FBXO28: variants seen among roughly 807,000 people sequenced by gnomAD.
FBXO28 encodes F-box protein 28, also known as F-box only protein 28.
In FBXO28, 8 loss-of-function variants were observed where a neutral mutation model predicts 38.1. The ratio of observed to expected loss-of-function variants is 0.21; its 90% confidence interval spans 0.12 to 0.38. FBXO28 has a LOEUF of 0.38. Ranked by LOEUF, FBXO28 falls within the 10% of genes least tolerant of loss-of-function variation. FBXO28 has a pLI of 1.00. For synonymous variants in FBXO28, 168 were observed against 173.8 expected, an observed-to-expected ratio of 0.97 and a Z score of 0.26; for missense variants, 345 against 460.6, an observed-to-expected ratio of 0.75 and a Z score of 2.30.
chr1:224,134,285 A>T (rs1252960508), intron 3 of FBXO28, 73 bp downstream of exon 3: 1 of 1,433,866 alleles, frequency 7.0e-7, no homozygotes, highest in Non-Finnish European at 9.5e-7. Context: ...TGAATTTCTG[A>T]TTTTAGAAAT....
chr1:224,150,111 G>A (rs1417860349), intron 3 of FBXO28, among the ~76,000 whole-genome samples: 5 of 151,958 alleles, frequency 3.3e-5, no homozygotes, highest in Non-Finnish European at 7.4e-5. Context: ...ATCACCTGAG[G>A]TCAGGAGTTT....
chr1:224,154,112 G>A (rs1443772137), intron 4 of FBXO28, among the ~76,000 whole-genome samples: 1 of 152,090 alleles, frequency 6.6e-6, no homozygotes, highest in Non-Finnish European at 1.5e-5. Flanking sequence ...AGAAAATATT[G>A]TAAGTCAAAA....
chr1:224,160,297 A>AGG lies in FBXO28; in HGVS notation c.*2552_*2553dup, dbSNP rs1478013366. On this transcript the variant is annotated 3_prime_UTR_variant, in exon 5 of 5. Transcript: ENST00000366862. ...ACCATTCTGCCCTGCATTTTAAGTC[A>AGG]GGTATTTAAATACTGCGTGTTGTTA... The AGG allele has an allele frequency of 6.6e-6, 1 of 152,350 alleles. No individual in the cohort carries two copies. Among genetic ancestry groups the AGG allele is most frequent in the East Asian group, 1.9e-4 (1 of 5,194 alleles). The allele number at this position is 152,350 out of a possible 1,614,324, so 9.4% of individuals were successfully genotyped here. A position where few individuals can be genotyped will look rare whatever the true frequency, so the allele number is the denominator to read the frequency against.
chr1:224,131,463 A>G (rs1298193176), intron 2 of FBXO28, among the ~76,000 whole-genome samples: 1 of 152,230 alleles, frequency 6.6e-6, no homozygotes, highest in East Asian at 1.9e-4. Context: ...TGGCACTGGC[A>G]TAAGGATAGA....
At chr1:224,130,675 C>A in intron 2 of FBXO28, 94 bp downstream of exon 2, 1 of 763,322 alleles carries the variant, frequency 1.3e-6, no homozygotes, top group Non-Finnish European at 2.2e-6. Context: ...TATTGCTTCC[C>A]AAGTTTTTAT....
Position 224,158,230 on chromosome 1 carries a change from T to C in FBXO28, c.*484T>C. On this transcript the variant is annotated 3_prime_UTR_variant, in exon 5 of 5. Coordinates refer to ENST00000366862, the MANE Select transcript of FBXO28 (RefSeq NM_015176.4). ...ACCTTTGTCTGGAATGTCTGAAAAG[T>C]AGTTAATGCTTTTTGGTATTGAAGT... is the stretch of plus-strand genomic sequence containing the variant. 1 of 986,680 alleles carries C rather than the reference T, an allele frequency of 1.0e-6. No individual in the cohort carries two copies. The highest frequency in any genetic ancestry group is 1.2e-6 in the Non-Finnish European group (1 of 830,570). 61.1% of individuals were successfully genotyped at this position (986,680 alleles called of 1,614,324 possible). A position where few individuals can be genotyped will look rare whatever the true frequency, so the allele number is the denominator to read the frequency against.
Position 224,151,340 on chromosome 1 carries a change from A to G in FBXO28, c.517-1802A>G, listed in dbSNP as rs139481749. On this transcript the variant is annotated intron_variant, in intron 3 of 4. Transcript: ENST00000366862. ...AAGCCATTTCCTGTTCAGTTCTCCA[A>G]GCCCACAAACCTGGCCTCTCCTATG... Among the ~76,000 whole-genome samples, 28 of 152,292 alleles carry G rather than the reference A, an allele frequency of 1.8e-4. No individual in the cohort carries two copies. The East Asian group carries it at 4.4e-3, about 24-fold the overall frequency.
intron 1 of FBXO28, among the ~76,000 whole-genome samples, chr1:224,130,257 G>T (rs879428490): frequency 6.6e-6 from 1 of 151,954 alleles, no homozygotes; most frequent in Non-Finnish European, 1.5e-5. Context: ...CAGGAGAATC[G>T]CTTGAACCTG....
At chr1:224,124,843 T>G (rs1002576528) in intron 1 of FBXO28, among the ~76,000 whole-genome samples, 1 of 152,140 alleles carries the variant, frequency 6.6e-6, no homozygotes, top group Non-Finnish European at 1.5e-5. Flanking sequence ...CCCTCCTGCC[T>G]CAGCCTCCCA....
At chr1:224,134,725 G>T (rs1248123188) in intron 3 of FBXO28, among the ~76,000 whole-genome samples, 2 of 152,078 alleles carry the variant, frequency 1.3e-5, no homozygotes, top group African/African-American at 4.8e-5. Flanking sequence ...CTATATTGTG[G>T]CATATTTACC....
intron 3 of FBXO28, among the ~76,000 whole-genome samples, chr1:224,139,191 G>A (rs2102623548): frequency 6.6e-6 from 1 of 151,778 alleles, no homozygotes; most frequent in South Asian, 2.1e-4. Flanking sequence ...GACTACATAA[G>A]GCCATGAAGC....
chr1:224,116,586 T>G (rs1029076058), intron 1 of FBXO28, among the ~76,000 whole-genome samples: 2 of 152,180 alleles, frequency 1.3e-5, no homozygotes, highest in South Asian at 4.1e-4. Context: ...AAGCTAAATG[T>G]CAGTTGTTAG....
chr1:224,136,756 T>C (rs538990360), intron 3 of FBXO28, among the ~76,000 whole-genome samples: 89 of 151,486 alleles, frequency 5.9e-4, no homozygotes, highest in African/African-American at 2.1e-3. Context: ...AGAAGTCTTT[T>C]TGTTTTTGTT....
rs528442634 is a variant in FBXO28, at chr1:224,157,758, G to A, written c.*12G>A. ...GGAATAGAAAGTAAATTGGAATGTG[G>A]TTCTAGTTCCAGAGGAAGACACAGC... On this transcript the variant is annotated 3_prime_UTR_variant, in exon 5 of 5. Coordinates refer to ENST00000366862, the MANE Select transcript of FBXO28 (RefSeq NM_015176.4). The A allele has an allele frequency of 6.3e-7, 1 of 1,583,404 alleles. No homozygotes were observed.
chr1:224,119,300 A>T (rs1331322333), intron 1 of FBXO28, among the ~76,000 whole-genome samples: 4 of 144,700 alleles, frequency 2.8e-5, no homozygotes, highest in Non-Finnish European at 6.1e-5. Context: ...CGCCCGGCTA[A>T]TTTTTTTTTT....
At chr1:224,155,400 C>T (rs949715390) in intron 4 of FBXO28, among the ~76,000 whole-genome samples, 48 of 152,160 alleles carry the variant, frequency 3.2e-4, no homozygotes, top group African/African-American at 1.2e-3. Context: ...CTCCTGACCT[C>T]GTGATCCACC....
chr1:224,155,353 A>G (rs1293556786), intron 4 of FBXO28, among the ~76,000 whole-genome samples: 2 of 151,836 alleles, frequency 1.3e-5, no homozygotes, highest in Admixed American at 6.6e-5. Flanking sequence ...TTTTAGTAGA[A>G]ACAGGGTTTC....
intron 3 of FBXO28, among the ~76,000 whole-genome samples, chr1:224,150,155 C>A (rs1025934825): frequency 6.6e-6 from 1 of 152,158 alleles, no homozygotes; most frequent in African/African-American, 2.4e-5. Context: ...GAAACCCTGT[C>A]TCTACTAAAA....
chr1:224,157,284 A>G, intron 4 of FBXO28, 68 bp from the exon 5 acceptor site: 1 of 1,499,590 alleles, frequency 6.7e-7, no homozygotes, highest in South Asian at 1.4e-5. Flanking sequence ...CCATTTTTAA[A>G]TAAGTGTAAG....
Sources: allele counts gnomAD v4.1 joint callset (sites outside exome capture counted in the v4.1 genomes callset), GRCh38; gene constraint gnomAD v4.1.1; transcripts MANE v1.5; gene names NCBI Gene and HGNC (gene_info 2026-07-23, HGNC 2026-07-21).